The following TMEM132D variants were observed in gnomAD, a reference collection of about 807,000 sequenced individuals.
The protein encoded by TMEM132D is transmembrane protein 132D.
Under a neutral mutation model 62.3 loss-of-function variants are expected in TMEM132D, and 21 were observed. The ratio of observed to expected loss-of-function variants is 0.34; its 90% CI spans 0.24 to 0.49. TMEM132D has a LOEUF of 0.49. Among genes scored for constraint, TMEM132D ranks in the 20% least tolerant of loss-of-function variants. TMEM132D has a pLI of 0.99. For synonymous variants in TMEM132D, 621 were observed against 575.6 expected, an observed-to-expected ratio of 1.08 and a Z score of -1.13; for missense variants, 1,346 against 1,402.8, an observed-to-expected ratio of 0.96 and a Z score of 0.65.
rs1056975966 is a variant in TMEM132D, at chr12:129,845,733, C to A, written c.79+57528G>T. On this transcript the variant is annotated intron_variant, in intron 1 of 8. Transcript: ENST00000422113. Reference sequence around the variant, plus strand: ...TAAGCCCCAAAATTGGGGCTTAACCCAGGAGGGTTCTTGGCATTGCCCAGG... The same window carrying A: ...TAAGCCCCAAAATTGGGGCTTAACCAAGGAGGGTTCTTGGCATTGCCCAGG... Among the ~76,000 whole-genome samples the A allele has an allele frequency of 7.9e-5, 12 of 152,222 alleles. 1 individual carries two copies. The South Asian group carries it at 2.5e-3, about 32-fold the overall frequency.
At chr12:129,428,670 A>G (rs1415177607) in intron 3 of TMEM132D, among the ~76,000 whole-genome samples, 2 of 152,218 alleles carry the variant, frequency 1.3e-5, no homozygotes, top group Non-Finnish European at 2.9e-5. Flanking sequence ...CTGATATAAA[A>G]CGGTATTTGG....
At chr12:129,112,507 T>G (rs1875750214) in intron 5 of TMEM132D, among the ~76,000 whole-genome samples, 1 of 152,070 alleles carries the variant, frequency 6.6e-6, no homozygotes, top group African/African-American at 2.4e-5. Flanking sequence ...ACTAAAAATA[T>G]AAAAAATTAG....
chr12:129,241,678 C>T (rs1199367078), intron 4 of TMEM132D, among the ~76,000 whole-genome samples: 2 of 152,176 alleles, frequency 1.3e-5, no homozygotes, highest in Non-Finnish European at 2.9e-5. Flanking sequence ...TCCTTCATAG[C>T]ACTTGTCATA....
At chr12:129,605,270 G>A (rs1017804852) in intron 2 of TMEM132D, among the ~76,000 whole-genome samples, 3 of 152,052 alleles carry the variant, frequency 2.0e-5, no homozygotes, top group Non-Finnish European at 2.9e-5. Flanking sequence ...CACTTGTGGG[G>A]ACATTAGTTT....
chr12:129,820,232 G>A (rs1248442155), intron 1 of TMEM132D, among the ~76,000 whole-genome samples: 2 of 152,166 alleles, frequency 1.3e-5, no homozygotes, highest in African/African-American at 4.8e-5. Context: ...TTAGGGGCCA[G>A]TTGTTGCAAA....
intron 4 of TMEM132D, among the ~76,000 whole-genome samples, chr12:129,325,128 C>T (rs1178596898): frequency 6.6e-6 from 1 of 152,054 alleles, no homozygotes. Context: ...CTGAATTGGC[C>T]CCATCTGATT....
At chr12:129,207,130 A>G (rs1447738177) in intron 5 of TMEM132D, among the ~76,000 whole-genome samples, 1 of 152,168 alleles carries the variant, frequency 6.6e-6, no homozygotes, top group African/African-American at 2.4e-5. Context: ...ACACAAAAAG[A>G]AAAAAACAAA....
At chr12:129,786,395 C>T (rs970741989) in intron 1 of TMEM132D, among the ~76,000 whole-genome samples, 2 of 152,138 alleles carry the variant, frequency 1.3e-5, no homozygotes, top group African/African-American at 4.8e-5. Context: ...AGGGAGGTAA[C>T]ACCTCGTGGC....
chr12:129,355,904 C>T (rs1287011848), intron 3 of TMEM132D, among the ~76,000 whole-genome samples: 1 of 152,184 alleles, frequency 6.6e-6, no homozygotes, highest in African/African-American at 2.4e-5. Flanking sequence ...GACAGCCCTG[C>T]TCCTGTGCCT....
At chr12:129,298,926 T>C (rs750233133) in intron 4 of TMEM132D, among the ~76,000 whole-genome samples, 18 of 152,226 alleles carry the variant, frequency 1.2e-4, no homozygotes, top group Non-Finnish European at 2.4e-4. Flanking sequence ...AGCACGAGAC[T>C]TAAAAGACAC....
chr12:129,496,670 TA>T (rs3046079), intron 3 of TMEM132D, among the ~76,000 whole-genome samples: 79,781 of 150,190 alleles, frequency 0.53, 21,351 homozygotes, highest in African/African-American at 0.61. Context: ...CAACTTACAT[TA>T]AAAAAAAAAT....
chr12:129,637,512 G>T (rs556989502), intron 2 of TMEM132D, among the ~76,000 whole-genome samples: 1 of 152,118 alleles, frequency 6.6e-6, no homozygotes, highest in East Asian at 1.9e-4. Context: ...ACAAGAACTG[G>T]TTGGTCAAAA....
At chr12:129,544,831 T>C (rs1216358616) in intron 2 of TMEM132D, among the ~76,000 whole-genome samples, 1 of 152,260 alleles carries the variant, frequency 6.6e-6, no homozygotes, top group Non-Finnish European at 1.5e-5. Context: ...ATCAGTCAGT[T>C]ATGTGAGTGA....
At chr12:129,687,123 G>C (rs1304565140) in intron 2 of TMEM132D, among the ~76,000 whole-genome samples, 1 of 152,102 alleles carries the variant, frequency 6.6e-6, no homozygotes, top group Non-Finnish European at 1.5e-5. Context: ...AGTCTCCGGG[G>C]CCTTGTGGAT....
Position 129,231,156 on chromosome 12 carries a change from A to G in TMEM132D, c.1300-21493T>C, listed in dbSNP as rs192667099. On this transcript the variant is annotated intron_variant, in intron 4 of 8. Coordinates refer to ENST00000422113, the MANE Select transcript of TMEM132D (RefSeq NM_133448.3). ...GCAGGTCTTTCATGCTGTTCAACACAAAGCCTAGGGCTAAGTTCAGGCAGC... is the reference window on the plus strand; with the variant it reads ...GCAGGTCTTTCATGCTGTTCAACACGAAGCCTAGGGCTAAGTTCAGGCAGC... Among the ~76,000 whole-genome samples, 404 of 152,346 alleles carry G rather than the reference A, an allele frequency of 2.7e-3. 7 individuals are homozygous for G. Among genetic ancestry groups the G allele is most frequent in the Non-Finnish European group, 5.7e-4 (39 of 68,044 alleles).
intron 5 of TMEM132D, among the ~76,000 whole-genome samples, chr12:129,130,338 C>A (rs1004874446): frequency 6.6e-6 from 1 of 151,976 alleles, no homozygotes; most frequent in East Asian, 1.9e-4. Context: ...TGAAGAGACC[C>A]CCCCGCCCGC....
Position 129,147,187 on chromosome 12 carries a change from CATAT to C in TMEM132D, c.1443+62329_1443+62332del, listed in dbSNP as rs974876062. 3.9e-4 allele frequency among the ~76,000 whole-genome samples: 59 copies of C among 150,028 alleles called. 1 individual carries two copies. The East Asian group carries it at 0.01, about 27-fold the overall frequency. ...ATATGTGTGTGTGTATATATATACA[CATAT>C]ATATTTACGTATATGTATACACATA... On this transcript the variant is annotated intron_variant, in intron 5 of 8. Coordinates refer to ENST00000422113, the MANE Select transcript of TMEM132D (RefSeq NM_133448.3).
intron 5 of TMEM132D, among the ~76,000 whole-genome samples, chr12:129,145,742 G>T (rs1876876103): frequency 6.6e-6 from 1 of 152,076 alleles, no homozygotes; most frequent in Non-Finnish European, 1.5e-5. Context: ...CAAGTCAGAA[G>T]GCTGTGAAGT....
At chr12:129,663,264 G>A (rs557706768) in intron 2 of TMEM132D, among the ~76,000 whole-genome samples, 6 of 152,244 alleles carry the variant, frequency 3.9e-5, no homozygotes, top group South Asian at 4.1e-4. Flanking sequence ...TTGGCCTGCC[G>A]AGTAGCTGGC....
Sources: allele counts gnomAD v4.1 joint callset (sites outside exome capture counted in the v4.1 genomes callset), GRCh38; gene constraint gnomAD v4.1.1; transcripts MANE v1.5; gene names NCBI Gene and HGNC (gene_info 2026-07-23, HGNC 2026-07-21).